VEGFC: variants seen among roughly 807,000 people sequenced by gnomAD.
VEGFC encodes vascular endothelial growth factor C.
VEGFC carries 12 observed loss-of-function variants against 46.1 expected under a neutral mutation model. The observed-to-expected ratio is 0.26, with a 90% CI of 0.17 to 0.42. The LOEUF (loss-of-function observed/expected upper bound fraction) is 0.42. Among genes scored for constraint, VEGFC ranks in the 10% least tolerant of loss-of-function variants. VEGFC has a pLI of 1.00. For missense variants in VEGFC, 488 were observed against 529.4 expected (o/e 0.92, Z 0.77); for synonymous variants, 232 against 195.5 (o/e 1.19, Z -1.56).
intron 1 of VEGFC, among the ~76,000 whole-genome samples, chr4:176,759,428 A>G (rs1735489503): frequency 6.6e-6 from 1 of 152,156 alleles, no homozygotes; most frequent in African/African-American, 2.4e-5. Context: ...CAAATGATAG[A>G]AGCAGAGAGT....
At chr4:176,693,108 T>C (rs374612904) in intron 4 of VEGFC, among the ~76,000 whole-genome samples, 15 of 152,068 alleles carry the variant, frequency 9.9e-5, no homozygotes, top group Non-Finnish European at 1.0e-4. Context: ...TTACCAGCAA[T>C]GGAACAAAGC....
intron 1 of VEGFC, among the ~76,000 whole-genome samples, chr4:176,741,479 G>A (rs1735173920): frequency 6.6e-6 from 1 of 151,876 alleles, no homozygotes; most frequent in Admixed American, 6.6e-5. Context: ...TAGCAATTGG[G>A]AAACTGTCAG....
At chr4:176,775,811 CCT>C (rs1393127955) in intron 1 of VEGFC, among the ~76,000 whole-genome samples, 1 of 152,008 alleles carries the variant, frequency 6.6e-6, no homozygotes, top group Non-Finnish European at 1.5e-5. Context: ...CCAAGTTTGT[CCT>C]CTCTCAGTTC....
intron 1 of VEGFC, among the ~76,000 whole-genome samples, chr4:176,753,983 T>C (rs982871803): frequency 3.3e-5 from 5 of 152,106 alleles, no homozygotes; most frequent in Non-Finnish European, 7.4e-5. Context: ...AAATTAATAC[T>C]TACAATGAAC....
chr4:176,690,019 G>T (rs936788136), intron 4 of VEGFC, among the ~76,000 whole-genome samples: 1 of 152,002 alleles, frequency 6.6e-6, no homozygotes, highest in Non-Finnish European at 1.5e-5. Context: ...ATCTATTTTT[G>T]GGAATAGATT....
intron 4 of VEGFC, among the ~76,000 whole-genome samples, chr4:176,697,640 T>C (rs554931573): frequency 1.7e-4 from 26 of 151,934 alleles, no homozygotes; most frequent in Admixed American, 1.2e-3. Flanking sequence ...ACTGGGTATA[T>C]ACCCAAAGAA....
chr4:176,748,979 T>C (rs1007684727), intron 1 of VEGFC, among the ~76,000 whole-genome samples: 15 of 151,916 alleles, frequency 9.9e-5, no homozygotes, highest in African/African-American at 2.4e-4. Context: ...GGTAAACATA[T>C]ATAACAAGAT....
intron 1 of VEGFC, among the ~76,000 whole-genome samples, chr4:176,746,093 C>T (rs1735254173): frequency 6.6e-6 from 1 of 151,932 alleles, no homozygotes; most frequent in Admixed American, 6.6e-5. Flanking sequence ...AAGATAATAC[C>T]ACAGAGCATT....
chr4:176,781,163 T>G (rs1167522176), intron 1 of VEGFC, among the ~76,000 whole-genome samples: 2 of 152,196 alleles, frequency 1.3e-5, no homozygotes, highest in Non-Finnish European at 2.9e-5. Flanking sequence ...TTGGCCTTAA[T>G]AAAATTCTAA....
chr4:176,710,670 G>A (rs1391382313), intron 4 of VEGFC, among the ~76,000 whole-genome samples: 1 of 152,114 alleles, frequency 6.6e-6, no homozygotes, highest in African/African-American at 2.4e-5. Flanking sequence ...CTAGAGTTAT[G>A]TAAGTTTCAT....
rs563989222 is a variant in VEGFC at position 176,769,108 on chromosome 4, A to C, written c.147+23057T>G. Among the ~76,000 whole-genome samples, 8 of 152,130 alleles carry C rather than the reference A, an allele frequency of 5.3e-5. No individual in the cohort carries two copies. The South Asian group carries it at 1.7e-3, about 32-fold the overall frequency. On this transcript the variant is annotated intron_variant, in intron 1 of 6. Transcript: ENST00000618562. The stretch of plus-strand genomic sequence containing the variant: ...AGCCTGCTTCCTCCTTACCCCTATC[A>C]CCATGTGAGGGGGACGTGCAACAAG...
intron 4 of VEGFC, among the ~76,000 whole-genome samples, chr4:176,704,953 G>C (rs1240216668): frequency 8.2e-6 from 1 of 121,612 alleles, no homozygotes; most frequent in Non-Finnish European, 1.7e-5. Context: ...ACAATTCTAT[G>C]TATCTTTCTA....
intron 1 of VEGFC, among the ~76,000 whole-genome samples, chr4:176,739,429 C>T (rs1164976490): frequency 1.3e-5 from 2 of 151,894 alleles, no homozygotes; most frequent in Non-Finnish European, 2.9e-5. Context: ...GGAACGAGAT[C>T]ATGTCCTTTG....
chr4:176,775,582 G>A (rs1735801568), intron 1 of VEGFC, among the ~76,000 whole-genome samples: 1 of 152,078 alleles, frequency 6.6e-6, no homozygotes. Flanking sequence ...AAGCTTATAG[G>A]CCATGTATTG....
At chr4:176,735,181 C>T (rs978606681) in intron 1 of VEGFC, among the ~76,000 whole-genome samples, 2 of 151,792 alleles carry the variant, frequency 1.3e-5, no homozygotes, top group Non-Finnish European at 2.9e-5. Context: ...TTTAAATCCC[C>T]ATGTTCTATT....
intron 1 of VEGFC, among the ~76,000 whole-genome samples, chr4:176,752,029 A>G (rs530354663): frequency 6.6e-6 from 1 of 152,038 alleles, no homozygotes; most frequent in East Asian, 1.9e-4. Flanking sequence ...TATAAGATTA[A>G]ACCCAATTTA....
chr4:176,765,617 G>A (rs770791575), intron 1 of VEGFC, among the ~76,000 whole-genome samples: 4 of 147,724 alleles, frequency 2.7e-5, no homozygotes, highest in Non-Finnish European at 4.4e-5. Context: ...GTGCAGTGGC[G>A]TGATCTCGGC....
intron 3 of VEGFC, among the ~76,000 whole-genome samples, chr4:176,726,543 C>A (rs775303898): frequency 1.3e-5 from 2 of 151,762 alleles, no homozygotes; most frequent in East Asian, 1.9e-4. Flanking sequence ...AGTGGGTGAG[C>A]AATATAAAGA....
At chr4:176,787,847 T>C (rs1435889390) in intron 1 of VEGFC, among the ~76,000 whole-genome samples, 2 of 152,250 alleles carry the variant, frequency 1.3e-5, no homozygotes, top group Non-Finnish European at 2.9e-5. Flanking sequence ...CATCTCTCCT[T>C]GTTTAAAGTT....
Sources: allele counts gnomAD v4.1 joint callset (sites outside exome capture counted in the v4.1 genomes callset), GRCh38; gene constraint gnomAD v4.1.1; transcripts MANE v1.5; gene names NCBI Gene and HGNC (gene_info 2026-07-23, HGNC 2026-07-21).